L3MBTL4: variants seen among roughly 807,000 people sequenced by gnomAD.
L3MBTL4 encodes lethal(3)malignant brain tumor-like protein 4.
In L3MBTL4, 70 loss-of-function variants were observed where a neutral mutation model predicts 84.5. The observed-to-expected ratio is 0.83, with a 90% CI of 0.68 to 1.01. L3MBTL4 has a LOEUF of 1.01. Among genes scored for constraint, L3MBTL4 ranks in the 50% least tolerant of loss-of-function variants. The pLI is 0.00. For missense variants in L3MBTL4, 715 were observed against 754.8 expected (o/e 0.95, Z 0.62); for synonymous variants, 274 against 259.8 (o/e 1.05, Z -0.52).
chr18:6,398,230 C>T (rs892420662), intron 1 of L3MBTL4, among the ~76,000 whole-genome samples: 51 of 152,122 alleles, frequency 3.4e-4, no homozygotes, highest in African/African-American at 1.2e-3. Context: ...ATAGTTTTAA[C>T]GGTATAGAAA....
chr18:6,257,874 A>G (rs4798440), intron 5 of L3MBTL4, among the ~76,000 whole-genome samples: 118,491 of 151,874 alleles, frequency 0.78, 46,815 homozygotes, highest in East Asian at 0.95. Flanking sequence ...TCTAACTCCC[A>G]ACCTCAGGTG....
intron 1 of L3MBTL4, among the ~76,000 whole-genome samples, chr18:6,386,761 GGGA>G (rs1486030848): frequency 6.6e-6 from 1 of 152,174 alleles, no homozygotes; most frequent in Non-Finnish European, 1.5e-5. Flanking sequence ...TGCACAAAGG[GGGA>G]GAAGGCAAGA....
intron 13 of L3MBTL4, among the ~76,000 whole-genome samples, chr18:6,162,310 T>C (rs1008118579): frequency 6.6e-5 from 10 of 152,140 alleles, no homozygotes; most frequent in African/African-American, 1.4e-4. Context: ...GTAGTCTTTG[T>C]AGTATTTGAC....
chr18:6,253,337 A>T (rs1457756135), intron 5 of L3MBTL4, among the ~76,000 whole-genome samples: 2 of 152,250 alleles, frequency 1.3e-5, no homozygotes, highest in African/African-American at 4.8e-5. Flanking sequence ...CCTGGAATTC[A>T]AATTCAGGCC....
chr18:6,322,390 TGAAAG>T (rs556362554), intron 1 of L3MBTL4, among the ~76,000 whole-genome samples: 24 of 99,706 alleles, frequency 2.4e-4, no homozygotes, highest in African/African-American at 3.2e-4. Context: ...AGAAAGAAAA[TGAAAG>T]GAAAGGAAAG....
In L3MBTL4 at chr18:6,215,045, C is replaced by T. The variant is rs35795192; in HGVS notation, c.870+705G>A. Among the ~76,000 whole-genome samples, 568 of 152,028 alleles carry T rather than the reference C, an allele frequency of 3.7e-3. 4 individuals carry two copies. The highest frequency in any genetic ancestry group is 0.013 in the African/African-American group (520 of 41,440). On this transcript the variant is annotated intron_variant, in intron 11 of 18. Coordinates refer to ENST00000317931, the MANE Select transcript of L3MBTL4 (RefSeq NM_001330559.2). Reference sequence around the variant, plus strand: ...AATGAAATATCATTTTGTTTCAAGCCGCTCTTGATCTCTAGACAATTTTCA... The same window carrying T: ...AATGAAATATCATTTTGTTTCAAGCTGCTCTTGATCTCTAGACAATTTTCA...
At chr18:6,372,894 A>AAT (rs1218951262) in intron 1 of L3MBTL4, among the ~76,000 whole-genome samples, 2 of 152,214 alleles carry the variant, frequency 1.3e-5, no homozygotes, top group African/African-American at 4.8e-5. Context: ...ATATTTTGCA[A>AAT]ATAATGGGAA....
intron 4 of L3MBTL4, among the ~76,000 whole-genome samples, chr18:6,278,878 ACTT>A (rs1327280379): frequency 1.3e-5 from 2 of 151,858 alleles, no homozygotes; most frequent in Non-Finnish European, 2.9e-5. Flanking sequence ...AAAAAAAAAA[ACTT>A]CTTCCACATC....
chr18:6,053,645 C>T (rs2145827068), intron 16 of L3MBTL4, among the ~76,000 whole-genome samples: 1 of 152,308 alleles, frequency 6.6e-6, no homozygotes, highest in South Asian at 2.1e-4. Flanking sequence ...ACGAATGCAA[C>T]TGCCCTCCTT....
At chr18:6,040,036 T>G (rs916744771) in intron 16 of L3MBTL4, among the ~76,000 whole-genome samples, 2 of 152,140 alleles carry the variant, frequency 1.3e-5, no homozygotes, top group Admixed American at 6.5e-5. Context: ...CCTTTCAACT[T>G]ATAAGAGTAA....
intron 18 of L3MBTL4, 45 bp downstream of exon 18, chr18:5,960,049 T>TATAAATAC: frequency 3.0e-6 from 1 of 328,450 alleles, no homozygotes; most frequent in Non-Finnish European, 5.0e-6. Context: ...CACACACATA[T>TATAAATAC]ATATATATAT....
intron 16 of L3MBTL4, among the ~76,000 whole-genome samples, chr18:5,979,205 C>T (rs1406577918): frequency 6.6e-6 from 1 of 152,132 alleles, no homozygotes; most frequent in Non-Finnish European, 1.5e-5. Flanking sequence ...TGGGAATGTG[C>T]CCCATTCCCG....
At chr18:6,140,940 A>C (rs777421123) in intron 13 of L3MBTL4, among the ~76,000 whole-genome samples, 12 of 151,728 alleles carry the variant, frequency 7.9e-5, no homozygotes, top group Non-Finnish European at 1.5e-5. Flanking sequence ...ACCTAGACTC[A>C]GTCAGTATTT....
At chr18:6,121,440 G>C (rs2059522884) in intron 14 of L3MBTL4, among the ~76,000 whole-genome samples, 2 of 152,096 alleles carry the variant, frequency 1.3e-5, no homozygotes, top group South Asian at 4.1e-4. Flanking sequence ...GGAATATGAT[G>C]CTATAATTAT....
chr18:6,222,001 T>C (rs2046577404), intron 10 of L3MBTL4, among the ~76,000 whole-genome samples: 1 of 152,224 alleles, frequency 6.6e-6, no homozygotes, highest in Non-Finnish European at 1.5e-5. Context: ...GTTCAGTACA[T>C]GACTCAGAAA....
At chr18:6,032,718 C>A (rs957943384) in intron 16 of L3MBTL4, among the ~76,000 whole-genome samples, 2 of 152,168 alleles carry the variant, frequency 1.3e-5, no homozygotes, top group Non-Finnish European at 2.9e-5. Context: ...ATTCTCCCCT[C>A]CTCCCAGCCC....
chr18:6,238,383 A>G (rs945917912), intron 9 of L3MBTL4, among the ~76,000 whole-genome samples: 4 of 152,172 alleles, frequency 2.6e-5, no homozygotes, highest in Non-Finnish European at 4.4e-5. Context: ...AATACAAAAA[A>G]TTAGCCAGGT....
chr18:6,131,174 A>G (rs1478177285), intron 14 of L3MBTL4, among the ~76,000 whole-genome samples: 1 of 152,222 alleles, frequency 6.6e-6, no homozygotes, highest in Admixed American at 6.5e-5. Flanking sequence ...CTTCAATATC[A>G]GAATCAGAAA....
intron 4 of L3MBTL4, among the ~76,000 whole-genome samples, chr18:6,269,932 T>C (rs73385966): frequency 0.014 from 2,095 of 152,322 alleles, 39 homozygotes; most frequent in African/African-American, 0.047. Context: ...GAATCAACTG[T>C]CATTCTTAAG....
Sources: gnomAD v4.1 joint callset for allele counts (sites outside exome capture counted in the v4.1 genomes callset) on GRCh38, gnomAD v4.1.1 for gene constraint, MANE v1.5 for transcripts, NCBI Gene and HGNC (gene_info 2026-07-23, HGNC 2026-07-21) for gene names.